Variants in MGMT observed in about 807,000 individuals in gnomAD.
MGMT encodes the protein methylated-DNA--protein-cysteine methyltransferase.
Under a neutral mutation model 15.9 loss-of-function variants are expected in MGMT, and 14 were observed. That is an observed-to-expected ratio of 0.88 (90% CI 0.58 to 1.37). The LOEUF (loss-of-function observed/expected upper bound fraction) is 1.37, where lower values mean the gene tolerates loss of function less well. Ranked by LOEUF, MGMT falls within the 40% of genes most tolerant of loss-of-function variation. MGMT has a pLI of 0.00. For synonymous variants in MGMT, 130 were observed against 118.2 expected, an observed-to-expected ratio of 1.10 and a Z score of -0.65; for missense variants, 282 against 268.1, an observed-to-expected ratio of 1.05 and a Z score of -0.36.
At chr10:129,610,141 G>A (rs941390338) in intron 2 of MGMT, among the ~76,000 whole-genome samples, 1 of 152,176 alleles carries the variant, frequency 6.6e-6, no homozygotes, top group Non-Finnish European at 1.5e-5. Flanking sequence ...TTCAATATTT[G>A]AGTTAGGATT....
At chr10:129,762,152 G>A (rs926771075) in intron 4 of MGMT, among the ~76,000 whole-genome samples, 3 of 152,208 alleles carry the variant, frequency 2.0e-5, no homozygotes, top group Non-Finnish European at 4.4e-5. Context: ...CCAGCCGGAA[G>A]GCTGCGCACA....
chr10:129,619,873 G>T (rs923976925), intron 2 of MGMT, among the ~76,000 whole-genome samples: 2 of 151,940 alleles, frequency 1.3e-5, no homozygotes, highest in African/African-American at 4.8e-5. Context: ...AATCAGTCTT[G>T]TTACAGGTTT....
chr10:129,489,130 G>A (rs897664907), intron 1 of MGMT, among the ~76,000 whole-genome samples: 2 of 152,038 alleles, frequency 1.3e-5, no homozygotes, highest in Admixed American at 6.5e-5. Context: ...GGAGACTGAG[G>A]TGGGCAGATC....
intron 2 of MGMT, among the ~76,000 whole-genome samples, chr10:129,647,396 G>T (rs1443690328): frequency 6.6e-6 from 1 of 152,212 alleles, no homozygotes; most frequent in Non-Finnish European, 1.5e-5. Flanking sequence ...TCCCCAGGTG[G>T]CGTGTGCTGG....
chr10:129,614,983 C>A (rs1366034023), intron 2 of MGMT, among the ~76,000 whole-genome samples: 1 of 151,714 alleles, frequency 6.6e-6, no homozygotes, highest in Non-Finnish European at 1.5e-5. Flanking sequence ...TTTGTTTTTC[C>A]TATCTTAAAG....
intron 1 of MGMT, among the ~76,000 whole-genome samples, chr10:129,507,206 G>A (rs1845634648): frequency 6.6e-6 from 1 of 152,218 alleles, no homozygotes; most frequent in African/African-American, 2.4e-5. Context: ...TGACGTTGGA[G>A]CCAGCCTCTC....
intron 2 of MGMT, among the ~76,000 whole-genome samples, chr10:129,554,234 G>A (rs1484754268): frequency 1.3e-5 from 2 of 152,222 alleles, no homozygotes; most frequent in Non-Finnish European, 2.9e-5. Context: ...ACGCCATCTG[G>A]GGACTTGATG....
At chr10:129,505,549 G>A (rs978041642) in intron 1 of MGMT, among the ~76,000 whole-genome samples, 4 of 152,136 alleles carry the variant, frequency 2.6e-5, no homozygotes, top group African/African-American at 9.7e-5. Context: ...GTCTTACTCT[G>A]GGTGTGAGCA....
chr10:129,681,759 G>A (rs1214027316), intron 2 of MGMT, among the ~76,000 whole-genome samples: 1 of 152,102 alleles, frequency 6.6e-6, no homozygotes, highest in Non-Finnish European at 1.5e-5. Context: ...ACTTGTGTAG[G>A]TGCAGATTTT....
intron 2 of MGMT, among the ~76,000 whole-genome samples, chr10:129,646,754 A>ATATATATTTTTTTTTTTTTTTT: frequency 2.3e-4 from 20 of 86,652 alleles, no homozygotes; most frequent in South Asian, 3.4e-4. Context: ...ATATATATAT[A>ATATATATTTTTTTTTTTTTTTT]TTTTCAGGGA....
intron 2 of MGMT, among the ~76,000 whole-genome samples, chr10:129,647,658 T>A (rs1234333815): frequency 6.6e-6 from 1 of 152,192 alleles, no homozygotes; most frequent in East Asian, 1.9e-4. Flanking sequence ...AAAAAACAGT[T>A]CATCTCCCTT....
intron 3 of MGMT, among the ~76,000 whole-genome samples, chr10:129,758,670 C>T (rs1206443307): frequency 6.6e-6 from 1 of 152,196 alleles, no homozygotes; most frequent in Non-Finnish European, 1.5e-5. Flanking sequence ...ACCGCCAGCC[C>T]CTGCGTACTG....
chr10:129,761,514 G>C (rs758404163), intron 4 of MGMT, among the ~76,000 whole-genome samples: 4 of 152,192 alleles, frequency 2.6e-5, no homozygotes, highest in Non-Finnish European at 5.9e-5. Flanking sequence ...TGCTTGTGGC[G>C]ATATTCGGAG....
At chr10:129,604,938 G>A (rs1846871306) in intron 2 of MGMT, among the ~76,000 whole-genome samples, 1 of 152,198 alleles carries the variant, frequency 6.6e-6, no homozygotes, top group Non-Finnish European at 1.5e-5. Context: ...CACAGTTTTG[G>A]TGTTGAACCC....
chr10:129,592,895 A>T (rs1846705023), intron 2 of MGMT, among the ~76,000 whole-genome samples: 1 of 152,176 alleles, frequency 6.6e-6, no homozygotes, highest in Non-Finnish European at 1.5e-5. Context: ...AAATATTTTT[A>T]AATGTTCTCA....
chr10:129,729,991 G>A (rs542017857), intron 3 of MGMT, among the ~76,000 whole-genome samples: 51 of 152,266 alleles, frequency 3.3e-4, no homozygotes, highest in Middle Eastern at 3.4e-3. Flanking sequence ...GGTGGATGGG[G>A]TACTGCCCTA....
chr10:129,608,278 G>A lies in MGMT; in HGVS notation c.125+71901G>A, dbSNP rs73386977. On this transcript the variant is annotated intron_variant, in intron 2 of 4. Transcript: ENST00000651593. ...AATGCGTAGCCCGGAGCAGAGTGTG[G>A]AAATAGTCCCTACACAGAGGGGTCT... Among the ~76,000 whole-genome samples the A allele has an allele frequency of 6.8e-3, 1,041 of 152,338 alleles. 9 individuals carry two copies. The highest frequency in any genetic ancestry group is 0.024 in the African/African-American group (985 of 41,580).
At chr10:129,711,169 A>G (rs971320382) in intron 3 of MGMT, among the ~76,000 whole-genome samples, 12 of 151,916 alleles carry the variant, frequency 7.9e-5, no homozygotes, top group African/African-American at 2.9e-4. Flanking sequence ...TCGCGGTACC[A>G]CCTCACCTTC....
chr10:129,515,323 C>T (rs999640172), intron 1 of MGMT, among the ~76,000 whole-genome samples: 18 of 152,320 alleles, frequency 1.2e-4, no homozygotes, highest in African/African-American at 4.1e-4. Context: ...AGGTGGTGAG[C>T]ACAGGGCGGA....
Sources: gnomAD v4.1 joint callset for allele counts (sites outside exome capture counted in the v4.1 genomes callset) on GRCh38, gnomAD v4.1.1 for gene constraint, MANE v1.5 for transcripts, NCBI Gene and HGNC (gene_info 2026-07-23, HGNC 2026-07-21) for gene names.